Variants in TMTC2 observed in about 807,000 individuals in gnomAD.
TMTC2 encodes the protein protein O-mannosyl-transferase TMTC2.
In TMTC2, 43 loss-of-function variants were observed where a neutral mutation model predicts 82.4. That is an observed-to-expected ratio of 0.52 (90% CI 0.41 to 0.67). TMTC2 has a LOEUF of 0.67. Ranked by LOEUF, TMTC2 falls within the 30% of genes least tolerant of loss-of-function variation. The pLI is 0.00. For synonymous variants in TMTC2, 408 were observed against 381.9 expected (o/e 1.07, Z -0.80); for missense variants, 919 against 1,012.4 (o/e 0.91, Z 1.25).
In TMTC2 at chr12:82,986,027, G is replaced by A; in HGVS notation, c.2051G>A (p.Gly684Glu). 3 of 1,613,922 alleles carry A rather than the reference G, an allele frequency of 1.9e-6. No homozygotes were observed. Among genetic ancestry groups the A allele is most frequent in the Non-Finnish European group, 2.5e-6 (3 of 1,179,904 alleles). The change falls in exon 8 of 12, where the codon GGG becomes GAG. Residue 684 changes from glycine (G) to glutamate (E), a missense_variant. Gly to Glu is a moderately conservative substitution (Grantham distance 98, BLOSUM62 -2). Coordinates refer to ENST00000321196, the MANE Select transcript of TMTC2 (RefSeq NM_152588.3). ...CACATCCCTGCTCATCTCACCTATG[G>A]GAAGCTGCTAGCTCTAACAGTGAGT... Reference protein sequence around the residue: ...TDHIPAHLTYGKLLALTGRKS... With the variant: ...TDHIPAHLTYEKLLALTGRKS...
intron 1 of TMTC2, among the ~76,000 whole-genome samples, chr12:82,790,151 T>C (rs1174486963): frequency 2.0e-5 from 3 of 149,858 alleles, no homozygotes; most frequent in Non-Finnish European, 3.0e-5. Flanking sequence ...CCATACACTC[T>C]AGCTTGGGTG....
At chr12:82,730,657 A>G (rs1483376692) in intron 1 of TMTC2, among the ~76,000 whole-genome samples, 1 of 152,218 alleles carries the variant, frequency 6.6e-6, no homozygotes, top group African/African-American at 2.4e-5. Context: ...TTTAAGAGTT[A>G]AGAGTGAGGT....
intron 11 of TMTC2, among the ~76,000 whole-genome samples, chr12:83,063,297 GT>G (rs66538945): frequency 0.79 from 118,699 of 149,324 alleles, 47,165 homozygotes; most frequent in East Asian, 0.9. Context: ...CTGCAGTTTT[GT>G]TTTTTTTTTC....
chr12:82,877,381 T>C (rs1319284431), intron 2 of TMTC2, among the ~76,000 whole-genome samples: 1 of 152,232 alleles, frequency 6.6e-6, no homozygotes, highest in Non-Finnish European at 1.5e-5. Flanking sequence ...CTGTCTCTCA[T>C]ATCAGTAACC....
intron 1 of TMTC2, among the ~76,000 whole-genome samples, chr12:82,780,032 G>A (rs1877819736): frequency 1.4e-5 from 2 of 147,198 alleles, no homozygotes; most frequent in Admixed American, 1.3e-4. Context: ...GGTATTTTTT[G>A]TACCATTTAC....
intron 8 of TMTC2, among the ~76,000 whole-genome samples, chr12:83,019,092 T>C (rs1022369575): frequency 6.6e-6 from 1 of 152,188 alleles, no homozygotes; most frequent in Admixed American, 6.5e-5. Context: ...GTCATGGCCA[T>C]AGTTGGCAAG....
At chr12:82,868,818 T>C (rs113357129) in intron 2 of TMTC2, among the ~76,000 whole-genome samples, 38 of 152,140 alleles carry the variant, frequency 2.5e-4, no homozygotes, top group Admixed American at 5.9e-4. Flanking sequence ...AATAAACCTT[T>C]TCAGGGAAAC....
At chr12:82,852,312 T>G (rs1441306936) in intron 1 of TMTC2, among the ~76,000 whole-genome samples, 1 of 152,058 alleles carries the variant, frequency 6.6e-6, no homozygotes, top group Non-Finnish European at 1.5e-5. Flanking sequence ...TTTTACTGTG[T>G]TAGCCAGGAT....
Position 82,803,354 on chromosome 12 carries a change from C to A in TMTC2, c.84-53656C>A, listed in dbSNP as rs57879489. On this transcript the variant is annotated intron_variant, in intron 1 of 11. Coordinates refer to ENST00000321196, the MANE Select transcript of TMTC2 (RefSeq NM_152588.3). ...CTCTCCACCCACCAGGAATATCAGGCGATAATCAGGTGATGGTTCAGCAGT... is the reference window on the plus strand; with the variant it reads ...CTCTCCACCCACCAGGAATATCAGGAGATAATCAGGTGATGGTTCAGCAGT... Among the ~76,000 whole-genome samples the A allele has an allele frequency of 8.6e-3, 1,310 of 152,086 alleles. 22 individuals carry two copies. Among genetic ancestry groups the A allele is most frequent in the African/African-American group, 0.03 (1,260 of 41,502 alleles).
At chr12:82,803,715 G>T (rs539119732) in intron 1 of TMTC2, among the ~76,000 whole-genome samples, 1 of 152,182 alleles carries the variant, frequency 6.6e-6, no homozygotes, top group African/African-American at 2.4e-5. Context: ...AGGCCACCAG[G>T]CATGCAGGCA....
chr12:82,748,865 A>G (rs1298426741), intron 1 of TMTC2, among the ~76,000 whole-genome samples: 1 of 152,254 alleles, frequency 6.6e-6, no homozygotes, highest in African/African-American at 2.4e-5. Flanking sequence ...CAACAAGAGC[A>G]AAACTCCATC....
intron 11 of TMTC2, among the ~76,000 whole-genome samples, chr12:83,129,277 T>C (rs1592513404): frequency 6.6e-6 from 1 of 152,314 alleles, no homozygotes; most frequent in East Asian, 1.9e-4. Context: ...TGAGTATATG[T>C]GGGCTTTGCT....
rs528076999 is a variant in TMTC2, at chr12:83,004,722, A to ATTTTTTTTTTTTTTTTTTTT, written c.2070+18702_2070+18721dup. ...TTCACAGGCAGTGTATACTGGCCGAATTTTTTTTTTTTTTTTTTTTTTTTT... is the reference window on the plus strand; with the variant it reads ...TTCACAGGCAGTGTATACTGGCCGAATTTTTTTTTTTTTTTTTTTTTTTTTTTTTTTTTTTTTTTTTTTTT... On this transcript the variant is annotated intron_variant, in intron 8 of 11. Coordinates refer to ENST00000321196, the MANE Select transcript of TMTC2 (RefSeq NM_152588.3). Among the ~76,000 whole-genome samples the ATTTTTTTTTTTTTTTTTTTT allele has an allele frequency of 1.4e-4, 5 of 36,032 alleles. 1 individual carries two copies. Among genetic ancestry groups the ATTTTTTTTTTTTTTTTTTTT allele is most frequent in the African/African-American group, 1.8e-4 (2 of 10,848 alleles). 23.6% of individuals were successfully genotyped at this position (36,032 alleles called of 152,430 possible). A position where few individuals can be genotyped will look rare whatever the true frequency, so the allele number is the denominator to read the frequency against.
chr12:82,739,048 T>G (rs573081626), intron 1 of TMTC2, among the ~76,000 whole-genome samples: 1 of 151,392 alleles, frequency 6.6e-6, no homozygotes, highest in African/African-American at 2.4e-5. Context: ...CTCGGGAGGC[T>G]GAGGCAGGAG....
intron 4 of TMTC2, among the ~76,000 whole-genome samples, chr12:82,958,354 C>CAAAAAAAAAAAAAA (rs750819932): frequency 3.0e-4 from 6 of 19,952 alleles, no homozygotes; most frequent in African/African-American, 1.2e-3. Context: ...GAGTCTGTCT[C>CAAAAAAAAAAAAAA]AAAAAAAAAA....
chr12:82,924,139 C>T (rs1217772306), intron 3 of TMTC2, among the ~76,000 whole-genome samples: 2 of 152,146 alleles, frequency 1.3e-5, no homozygotes, highest in Non-Finnish European at 1.5e-5. Flanking sequence ...CCACTAGGGC[C>T]ACACCTGAAG....
intron 1 of TMTC2, among the ~76,000 whole-genome samples, chr12:82,706,732 G>A (rs1873377728): frequency 6.6e-6 from 1 of 152,166 alleles, no homozygotes; most frequent in African/African-American, 2.4e-5. Context: ...GTAAGTAGCT[G>A]AATGTGGAGG....
intron 11 of TMTC2, among the ~76,000 whole-genome samples, chr12:83,089,826 AAAAAAACAAAAAAC>A (rs762388579): frequency 2.0e-5 from 3 of 149,848 alleles, no homozygotes; most frequent in Non-Finnish European, 4.4e-5. Context: ...GATAATAGCA[AAAAAAACAAAAAAC>A]AAAAAACAAA....
intron 1 of TMTC2, among the ~76,000 whole-genome samples, chr12:82,795,743 C>G (rs537306107): frequency 5.3e-5 from 8 of 152,250 alleles, no homozygotes; most frequent in African/African-American, 1.9e-4. Context: ...GATGCAGCAA[C>G]AAGGCGTCAT....
Sources: allele counts gnomAD v4.1 joint callset (sites outside exome capture counted in the v4.1 genomes callset), GRCh38; gene constraint gnomAD v4.1.1; transcripts MANE v1.5; gene names NCBI Gene and HGNC (gene_info 2026-07-23, HGNC 2026-07-21).